TYK2: variants seen among roughly 807,000 people sequenced by gnomAD.
The protein encoded by TYK2 is non-receptor tyrosine-protein kinase TYK2.
A neutral mutation model predicts 130.9 loss-of-function variants in TYK2; 65 were observed. That is an observed-to-expected ratio of 0.50 (90% confidence interval 0.41 to 0.61). The LOEUF (loss-of-function observed/expected upper bound fraction) is 0.61. TYK2 is among the 20% of genes least tolerant of loss of function. The pLI is 0.00. For synonymous variants in TYK2, 647 were observed against 658.9 expected (o/e 0.98, Z 0.28); for missense variants, 1,378 against 1,610.7 (o/e 0.86, Z 2.47).
In TYK2 at chr19:10,379,712, G is replaced by A. The variant is rs184734757; in HGVS notation, c.-118C>T. ...CATCTGGAAAAGGGAGGTCCTCAGG[G>A]TGTTGCCATCAAAAGATGGTTGTAA... On this transcript the variant is annotated 5_prime_UTR_variant, in exon 2 of 25. Coordinates refer to ENST00000525621, the MANE Select transcript of TYK2 (RefSeq NM_003331.5). The A allele has an allele frequency of 1.1e-4, 16 of 152,322 alleles. No homozygotes were observed. The East Asian group carries it at 3.0e-3, about 29-fold the overall frequency. 9.4% of individuals were successfully genotyped at this position (152,322 alleles called of 1,614,324 possible).
At chr19:10,351,506 A>C (rs1411896595) in intron 23 of TYK2, 4 of 314,658 alleles carry the variant, frequency 1.3e-5, no homozygotes, top group South Asian at 2.8e-5. Flanking sequence ...AAAAGAAATC[A>C]CTCTGCAACT....
At chr19:10,376,467 C>T (rs2042124767) in intron 3 of TYK2, among the ~76,000 whole-genome samples, 1 of 133,906 alleles carries the variant, frequency 7.5e-6, no homozygotes. Flanking sequence ...GCCACCATGC[C>T]TGGCTACATT....
intron 3 of TYK2, chr19:10,369,774 T>C (rs1188266120): frequency 6.6e-6 from 3 of 453,000 alleles, no homozygotes; most frequent in Non-Finnish European, 8.8e-6. Flanking sequence ...CCGGGCGCAG[T>C]GGCTCACGCC....
intron 2 of TYK2, 187 bp from the exon 3 acceptor site, chr19:10,378,613 T>C (rs1774869174): frequency 5.1e-6 from 3 of 590,232 alleles, no homozygotes; most frequent in South Asian, 2.0e-5. Context: ...GGTTGGGGTA[T>C]GCATCCCCAC....
At position 10,352,991 on chromosome 19, in the gene TYK2, G is replaced by C. The variant is rs1017744070; in HGVS notation, c.3135C>G (p.Ala1045=). The change falls in exon 22 of 25, where the codon GCC becomes GCG. Residue 1045 remains alanine, a synonymous_variant. Transcript: ENST00000525621. ...RLVKIGDFGL[A]KAVPEGHEYY... is the part of the protein sequence containing the mutation. ...ACTCGTGGCCTTCGGGCACGGCCTTGGCTAGGCCAAAGTCCCCGATCTTGA... is the reference window on the plus strand; with the variant it reads ...ACTCGTGGCCTTCGGGCACGGCCTTCGCTAGGCCAAAGTCCCCGATCTTGA... The C allele has an allele frequency of 1.2e-6, 2 of 1,606,982 alleles. No homozygotes were observed. Among genetic ancestry groups the C allele is most frequent in the Non-Finnish European group, 1.7e-6 (2 of 1,176,604 alleles).
Position 10,364,935 on chromosome 19 carries a change from G to A in TYK2, c.1125C>T (p.Ala375=). ...PADRPREPLW[A]YFCDFRDITH... ...TGATGTCCCGGAAGTCACAGAAGTAGGCCCACAGTGGCTCCCGCGGCCTGT... is the reference window on the plus strand; with the variant it reads ...TGATGTCCCGGAAGTCACAGAAGTAAGCCCACAGTGGCTCCCGCGGCCTGT... Residue 375 remains alanine (A), a synonymous_variant, in exon 8 of 25, where the codon GCC becomes GCT. Coordinates refer to ENST00000525621, the MANE Select transcript of TYK2 (RefSeq NM_003331.5). The surrounding 1 kb of genome is among the most constrained non-coding windows in gnomAD (Gnocchi z 4.9). The A allele has an allele frequency of 6.2e-7, 1 of 1,614,220 alleles. No homozygotes were observed. Among genetic ancestry groups the A allele is most frequent in the Middle Eastern group, 1.6e-4 (1 of 6,062 alleles).
chr19:10,364,896 C>T lies in TYK2; in HGVS notation c.1164G>A (p.Leu388=), dbSNP rs775798398. 5.0e-6 allele frequency: 8 copies of T among 1,614,204 alleles called. No homozygotes were observed. The highest frequency in any genetic ancestry group is 6.8e-6 in the Non-Finnish European group (8 of 1,180,044). ...GGTGGATGCTGACACAGTGCTCTTT[C>T]AGCACCACGTGGGTGATGTCCCGGA... ...CDFRDITHVV[L]KEHCVSIHRQ... Residue 388 remains leucine, a synonymous_variant, in exon 8 of 25, where the codon CTG becomes CTA. Transcript: ENST00000525621. This position sits in a 1 kb window ranked among gnomAD's most constrained non-coding sequence, Gnocchi z 4.9.
rs1407281800 is a variant in TYK2, at chr19:10,368,364, A to G, written c.248T>C (p.Val83Ala). The G allele has an allele frequency of 2.5e-6, 4 of 1,614,116 alleles. No individual in the cohort carries two copies. In the Admixed American group the frequency reaches 6.7e-5, roughly 27 times the overall value. ...LFALFDAQAQVWLPPNHILEI... is the reference protein window; with the variant it reads ...LFALFDAQAQAWLPPNHILEI... ...TAGGATGTGGTTTGGGGGCAACCAG[A>G]CTTGGGCCTGAGCATCGAAGAGGGC... The change falls in exon 4 of 25, where the codon GTC becomes GCC. Residue 83 changes from valine to alanine, a missense_variant. Transcript: ENST00000525621.
intron 3 of TYK2, among the ~76,000 whole-genome samples, chr19:10,372,217 T>C (rs1233067480): frequency 6.7e-6 from 1 of 150,356 alleles, no homozygotes; most frequent in African/African-American, 2.4e-5. Flanking sequence ...ACGGTCGCAA[T>C]CTCCTGACCT....
intron 2 of TYK2, among the ~76,000 whole-genome samples, chr19:10,378,895 T>C (rs2042272384): frequency 6.6e-6 from 1 of 151,264 alleles, no homozygotes; most frequent in Admixed American, 6.6e-5. Flanking sequence ...TGAGACAGAG[T>C]TTCACTCTTG....
chr19:10,353,798 A>G lies in TYK2; in HGVS notation c.2909-152T>C, dbSNP rs12720321. On this transcript the variant is annotated intron_variant, in intron 20 of 24. Transcript: ENST00000525621. This position sits in a 1 kb window ranked among gnomAD's most constrained non-coding sequence, Gnocchi z 6.9. ...GTTCTCAGGTGGGATGGACCCATCC[A>G]GAACCCCATTCTCACTTGAGGGAGC... 1.7e-3 allele frequency: 1,168 copies of G among 686,684 alleles called. 17 individuals are homozygous for G. The African/African-American group carries it at 0.019, about 11-fold the overall frequency. The allele number at this position is 686,684 out of a possible 1,614,324, so 42.5% of individuals were successfully genotyped here.
intron 22 of TYK2, 98 bp downstream of exon 22, chr19:10,352,828 G>T (rs995263749): frequency 6.9e-7 from 1 of 1,443,964 alleles, no homozygotes; most frequent in Non-Finnish European, 9.3e-7. Context: ...GCGCTTCACT[G>T]GGATCATGCC....
chr19:10,353,043 T>A lies in TYK2; in HGVS notation c.3083A>T (p.Asn1028Ile). 1 of 1,593,196 alleles carries A rather than the reference T, an allele frequency of 6.3e-7. No individual in the cohort carries two copies. Among genetic ancestry groups the A allele is most frequent in the Non-Finnish European group, 8.6e-7 (1 of 1,168,596 alleles). The change falls in exon 22 of 25, where the codon AAC becomes ATC. Residue 1028 changes from asparagine (N) to isoleucine (I), a missense_variant. Asn to Ile is a moderately radical substitution (Grantham distance 149). Transcript: ENST00000525621. The surrounding 1 kb of genome is among the most constrained non-coding windows in gnomAD (Gnocchi z 6.9). ...CAGCCTGTCGTTGTCCAGCAGCACGTTGCGCGCGGCTAGGTCTCGGTGGAT... is the reference window on the plus strand; with the variant it reads ...CAGCCTGTCGTTGTCCAGCAGCACGATGCGCGCGGCTAGGTCTCGGTGGAT... ...HYIHRDLAAR[N>I]VLLDNDRLVK... is the part of the protein sequence containing the mutation.
intron 15 of TYK2, among the ~76,000 whole-genome samples, chr19:10,358,791 G>A (rs144747247): frequency 6.6e-6 from 1 of 152,136 alleles, no homozygotes; most frequent in East Asian, 2.0e-4. Flanking sequence ...CCAGCTGGGC[G>A]TGGTGGCTCA....
In TYK2 at chr19:10,359,708, G is replaced by A. The variant is rs146420050; in HGVS notation, c.2048-406C>T. ...TAAAAAAAAAAATACAGCCGGGCGC[G>A]GTGGCTCACGCCTGTAATCCCAGCA... On this transcript the variant is annotated intron_variant, in intron 14 of 24. Coordinates refer to ENST00000525621, the MANE Select transcript of TYK2 (RefSeq NM_003331.5). Among the ~76,000 whole-genome samples, 1,059 of 150,014 alleles carry A rather than the reference G, an allele frequency of 7.1e-3. 48 individuals are homozygous for A. Among genetic ancestry groups the A allele is most frequent in the Admixed American group, 0.062 (933 of 15,110 alleles).
At chr19:10,370,132 C>T (rs1286571177) in intron 3 of TYK2, among the ~76,000 whole-genome samples, 1 of 151,812 alleles carries the variant, frequency 6.6e-6, no homozygotes, top group African/African-American at 2.4e-5. Flanking sequence ...GAGTCTGAGG[C>T]AGGTGGATCA....
intron 1 of TYK2, among the ~76,000 whole-genome samples, chr19:10,380,170 C>T (rs554396877): frequency 1.3e-5 from 2 of 152,342 alleles, no homozygotes; most frequent in South Asian, 2.1e-4. Context: ...CCATTAATAC[C>T]TATTCATGTT....
At position 10,364,029 on chromosome 19, in the gene TYK2, A is replaced by G. The variant is rs1046983731; in HGVS notation, c.1367+585T>C. Among the ~76,000 whole-genome samples the G allele has an allele frequency of 1.3e-5, 2 of 152,210 alleles. No homozygotes were observed. Among genetic ancestry groups the G allele is most frequent in the African/African-American group, 4.8e-5 (2 of 41,458 alleles). On this transcript the variant is annotated intron_variant, in intron 9 of 24. Coordinates refer to ENST00000525621, the MANE Select transcript of TYK2 (RefSeq NM_003331.5). The surrounding 1 kb of genome is among the most constrained non-coding windows in gnomAD (Gnocchi z 4.9). ...CCTGATGATGACATAAGTACCGACAACTTCACGCCCTCAGGCCCACAAGTC... is the reference window on the plus strand; with the variant it reads ...CCTGATGATGACATAAGTACCGACAGCTTCACGCCCTCAGGCCCACAAGTC...
chr19:10,360,018 AG>A (rs1304607202), intron 14 of TYK2, among the ~76,000 whole-genome samples: 11 of 147,516 alleles, frequency 7.5e-5, no homozygotes, highest in South Asian at 2.2e-4. Context: ...CTCAAAAAGA[AG>A]AAAAAAAAAA....
Sources: gnomAD v4.1 joint callset for allele counts (sites outside exome capture counted in the v4.1 genomes callset) on GRCh38, gnomAD v4.1.1 for gene constraint, Gnocchi (gnomAD v3.1) non-coding constraint, MANE v1.5 for transcripts, NCBI Gene and HGNC (gene_info 2026-07-23, HGNC 2026-07-21) for gene names.